Variants in ABI3BP observed in about 807,000 individuals in gnomAD.
ABI3BP encodes the protein ABI family member 3 binding protein, also known as target of Nesh-SH3.
In ABI3BP, 216 loss-of-function variants were observed where a neutral mutation model predicts 268.6. The observed-to-expected ratio is 0.80, with a 90% CI of 0.72 to 0.90. The LOEUF (loss-of-function observed/expected upper bound fraction) is 0.90, where lower values mean the gene tolerates loss of function less well. ABI3BP is among the 40% of genes least tolerant of loss of function. The pLI is 0.00. For synonymous variants in ABI3BP, 730 were observed against 730.0 expected (o/e 1.00, Z 0.00); for missense variants, 2,090 against 2,182.4 (o/e 0.96, Z 0.84).
At chr3:100,754,254 A>C (rs1185009382) in intron 64 of ABI3BP, among the ~76,000 whole-genome samples, 1 of 152,210 alleles carries the variant, frequency 6.6e-6, no homozygotes, top group Admixed American at 6.5e-5. Flanking sequence ...AAGGAATTGG[A>C]GATTGTAAGG....
intron 29 of ABI3BP, among the ~76,000 whole-genome samples, chr3:100,834,138 T>C (rs1183455133): frequency 4.6e-5 from 7 of 152,176 alleles, no homozygotes; most frequent in Admixed American, 3.9e-4. Flanking sequence ...ATCTGGCTAG[T>C]TTTTCTTAAA....
chr3:100,819,052 G>T (rs9879088), intron 40 of ABI3BP, among the ~76,000 whole-genome samples: 1 of 151,916 alleles, frequency 6.6e-6, no homozygotes, highest in African/African-American at 2.4e-5. Context: ...AAGGCACTCA[G>T]CAAATCAGGA....
chr3:100,991,117 C>T (rs1263196961), intron 1 of ABI3BP, among the ~76,000 whole-genome samples: 1 of 152,076 alleles, frequency 6.6e-6, no homozygotes. Context: ...TATAACAGGA[C>T]CCTGATGTTA....
At chr3:100,985,047 A>AAGT (rs1416830983) in intron 1 of ABI3BP, among the ~76,000 whole-genome samples, 2 of 152,036 alleles carry the variant, frequency 1.3e-5, no homozygotes, top group Non-Finnish European at 2.9e-5. Context: ...CCACTGATAA[A>AAGT]AGTATATTTT....
chr3:100,902,140 A>G (rs532093216), intron 3 of ABI3BP, among the ~76,000 whole-genome samples: 6 of 152,346 alleles, frequency 3.9e-5, no homozygotes, highest in South Asian at 2.1e-4. Context: ...TTTAACACAC[A>G]TACATGAATT....
At position 100,841,993 on chromosome 3, in the gene ABI3BP, A is replaced by G; in HGVS notation, c.1765+5T>C. The G allele has an allele frequency of 6.5e-7, 1 of 1,531,032 alleles. No homozygotes were observed. Among genetic ancestry groups the G allele is most frequent in the Non-Finnish European group, 8.8e-7 (1 of 1,142,506 alleles). 94.8% of individuals were successfully genotyped at this position (1,531,032 alleles called of 1,614,324 possible). A position where few individuals can be genotyped will look rare whatever the true frequency, so the allele number is the denominator to read the frequency against. On this transcript the variant is annotated splice_donor_5th_base_variant and intron_variant, in intron 21 of 67. Transcript: ENST00000471714. ...GTTTTCACTCATTAAAAAAAGCTTT[A>G]TTACCTATTGTTGACTGTGATGGCA...
chr3:100,784,963 A>C (rs1193810908), intron 57 of ABI3BP, among the ~76,000 whole-genome samples: 1 of 152,210 alleles, frequency 6.6e-6, no homozygotes, highest in African/African-American at 2.4e-5. Context: ...TGAGTGCACT[A>C]AAATCTCAAA....
At chr3:100,885,394 C>A in intron 6 of ABI3BP, 142 bp downstream of exon 6, 3 of 454,780 alleles carry the variant, frequency 6.6e-6, no homozygotes, top group Non-Finnish European at 7.8e-6. Flanking sequence ...GAAAAAGAAA[C>A]TAATTCCTAA....
chr3:100,956,296 C>T (rs762647151), intron 1 of ABI3BP, among the ~76,000 whole-genome samples: 1 of 151,152 alleles, frequency 6.6e-6, no homozygotes. Context: ...GATACCACTG[C>T]TGTTTCTTGA....
At chr3:100,791,229 A>G (rs1202575297) in intron 55 of ABI3BP, among the ~76,000 whole-genome samples, 1 of 151,888 alleles carries the variant, frequency 6.6e-6, no homozygotes. Flanking sequence ...TTTTGAAGGA[A>G]TTTGATTAAA....
At chr3:100,772,619 A>C (rs913379904) in intron 61 of ABI3BP, among the ~76,000 whole-genome samples, 11 of 152,192 alleles carry the variant, frequency 7.2e-5, no homozygotes, top group African/African-American at 2.4e-4. Context: ...ATAAGACAAC[A>C]AAAAAGATTA....
intron 6 of ABI3BP, among the ~76,000 whole-genome samples, chr3:100,884,994 C>T (rs906593472): frequency 4.0e-5 from 6 of 151,662 alleles, no homozygotes; most frequent in Admixed American, 1.3e-4. Flanking sequence ...CATGAGAAAC[C>T]GAGTGGCTGA....
At chr3:100,766,056 G>A (rs1468190652) in intron 62 of ABI3BP, 107 bp from the exon 63 acceptor site, 9 of 755,138 alleles carry the variant, frequency 1.2e-5, no homozygotes, top group Non-Finnish European at 1.8e-5. Flanking sequence ...GTAAGCAATT[G>A]AGATGGAAGT....
At chr3:100,823,577 A>AATT in intron 36 of ABI3BP, 63 bp from the exon 37 acceptor site, 1 of 1,293,784 alleles carries the variant, frequency 7.7e-7, no homozygotes. Context: ...GAACACTCAC[A>AATT]TGCAAACAAA....
intron 57 of ABI3BP, among the ~76,000 whole-genome samples, chr3:100,782,360 A>G (rs1488662403): frequency 1.3e-5 from 2 of 151,942 alleles, no homozygotes; most frequent in African/African-American, 4.8e-5. Flanking sequence ...TTTTTTATCC[A>G]GGGAGAAACT....
At chr3:100,752,293 T>C (rs2095377481) in intron 66 of ABI3BP, among the ~76,000 whole-genome samples, 2 of 152,162 alleles carry the variant, frequency 1.3e-5, no homozygotes, top group Admixed American at 1.3e-4. Flanking sequence ...CTTAGAAGAG[T>C]TGAATGACTG....
chr3:100,933,551 T>C (rs1380575283), intron 1 of ABI3BP, among the ~76,000 whole-genome samples: 5 of 150,892 alleles, frequency 3.3e-5, no homozygotes, highest in Non-Finnish European at 7.4e-5. Context: ...TTGGACTAGG[T>C]CAAATTTTTA....
intron 51 of ABI3BP, among the ~76,000 whole-genome samples, chr3:100,804,233 G>T (rs2097627086): frequency 6.6e-6 from 1 of 152,092 alleles, no homozygotes; most frequent in Non-Finnish European, 1.5e-5. Flanking sequence ...TGAACAAAAG[G>T]CCTTCTCAGA....
intron 1 of ABI3BP, among the ~76,000 whole-genome samples, chr3:100,957,303 C>G (rs1419143701): frequency 1.3e-5 from 2 of 152,078 alleles, no homozygotes; most frequent in Non-Finnish European, 2.9e-5. Flanking sequence ...GTTTTATTGA[C>G]TCAAGTAATG....
Sources: allele counts gnomAD v4.1 joint callset (sites outside exome capture counted in the v4.1 genomes callset), GRCh38; gene constraint gnomAD v4.1.1; transcripts MANE v1.5; gene names NCBI Gene and HGNC (gene_info 2026-07-23, HGNC 2026-07-21).